The following WDR75 variants were observed in gnomAD, a reference collection of about 807,000 sequenced individuals.
WDR75 encodes WD repeat-containing protein 75.
WDR75 carries 52 observed loss-of-function variants against 106.1 expected under a neutral mutation model. The observed-to-expected ratio is 0.49, with a 90% CI of 0.39 to 0.62. The LOEUF (loss-of-function observed/expected upper bound fraction) is 0.62. Ranked by LOEUF, WDR75 falls within the 20% of genes least tolerant of loss-of-function variation. WDR75 has a pLI of 0.00. For missense variants in WDR75, 905 were observed against 970.3 expected (o/e 0.93, Z 0.89); for synonymous variants, 333 against 335.5 (o/e 0.99, Z 0.08).
intron 18 of WDR75, among the ~76,000 whole-genome samples, chr2:189,471,918 AT>A (rs1687126700): frequency 6.6e-6 from 1 of 152,198 alleles, no homozygotes; most frequent in South Asian, 2.1e-4. Context: ...GTTGAAAATC[AT>A]TCTCGCAGAA....
chr2:189,465,287 A>G, intron 12 of WDR75, 33 bp downstream of exon 12: 1 of 1,534,204 alleles, frequency 6.5e-7, no homozygotes, highest in Non-Finnish European at 8.8e-7. Flanking sequence ...TTAATTTCAA[A>G]GTATAAAATA....
At position 189,455,458 on chromosome 2, in the gene WDR75, T is replaced by A. The variant is rs948980417; in HGVS notation, c.498+14T>A. The A allele has an allele frequency of 1.2e-6, 2 of 1,602,810 alleles. No homozygotes were observed. Among genetic ancestry groups the A allele is most frequent in the Non-Finnish European group, 1.7e-6 (2 of 1,175,826 alleles). ...TTTGGAAACGAGGTAAATTTTGTTT[T>A]GTTCGTTTTCTGTTTTGTACCTAAA... On this transcript the variant is annotated intron_variant, in intron 5 of 20. Transcript: ENST00000314761.
At chr2:189,451,627 T>C (rs1422454964) in intron 3 of WDR75, among the ~76,000 whole-genome samples, 178 bp from the exon 4 acceptor site, 1 of 152,216 alleles carries the variant, frequency 6.6e-6, no homozygotes, top group Non-Finnish European at 1.5e-5. Flanking sequence ...GATCTATATG[T>C]AGGAAACTCG....
chr2:189,471,108 C>T (rs1687110910), intron 18 of WDR75, among the ~76,000 whole-genome samples: 1 of 152,028 alleles, frequency 6.6e-6, no homozygotes, highest in South Asian at 2.1e-4. Context: ...AATATTTTTA[C>T]AAGGCTCTTC....
chr2:189,451,547 G>T (rs1686622329), intron 3 of WDR75, among the ~76,000 whole-genome samples: 1 of 152,150 alleles, frequency 6.6e-6, no homozygotes, highest in Non-Finnish European at 1.5e-5. Context: ...ATTGTTTATG[G>T]TAGGAAAAAA....
At chr2:189,447,327 T>C (rs1241493588) in intron 1 of WDR75, among the ~76,000 whole-genome samples, 1 of 152,254 alleles carries the variant, frequency 6.6e-6, no homozygotes, top group East Asian at 1.9e-4. Context: ...TGCTGCTACA[T>C]GGAAGAAATC....
chr2:189,455,863 C>T (rs540052400), intron 5 of WDR75, among the ~76,000 whole-genome samples: 2 of 152,154 alleles, frequency 1.3e-5, no homozygotes, highest in South Asian at 4.2e-4. Flanking sequence ...ATAACTTTTC[C>T]CGAAAAGAAT....
intron 5 of WDR75, 162 bp downstream of exon 5, chr2:189,455,606 T>C (rs1167305862): frequency 1.1e-6 from 1 of 913,412 alleles, no homozygotes; most frequent in Non-Finnish European, 1.6e-6. Context: ...GTATTTATGG[T>C]ATAGATTTTT....
At chr2:189,454,793 T>C (rs548107857) in intron 4 of WDR75, among the ~76,000 whole-genome samples, 3 of 152,222 alleles carry the variant, frequency 2.0e-5, no homozygotes, top group Non-Finnish European at 4.4e-5. Context: ...AGATTTGTAT[T>C]TCTATATATT....
At chr2:189,460,205 A>C (rs1435449821) in intron 8 of WDR75, among the ~76,000 whole-genome samples, 1 of 152,206 alleles carries the variant, frequency 6.6e-6, no homozygotes, top group Admixed American at 6.5e-5. Flanking sequence ...GTGTGCCTAA[A>C]AAATGAGAAG....
chr2:189,452,164 G>T, intron 4 of WDR75: 2 of 326,260 alleles, frequency 6.1e-6, no homozygotes, highest in South Asian at 4.2e-5. Flanking sequence ...ATAGAATTTT[G>T]TCTTTCTACT....
At chr2:189,468,675 G>A in intron 15 of WDR75, 106 bp downstream of exon 15, 1 of 1,125,042 alleles carries the variant, frequency 8.9e-7, no homozygotes, top group East Asian at 2.4e-5. Context: ...TCTGTACTTG[G>A]AATAGTCAGT....
At chr2:189,463,646 T>A in intron 9 of WDR75, 48 bp from the exon 10 acceptor site, 1 of 1,599,530 alleles carries the variant, frequency 6.3e-7, no homozygotes, top group Non-Finnish European at 8.6e-7. Context: ...TTGGACAAGC[T>A]TTCTCTAACC....
At chr2:189,461,756 C>G (rs556691825) in intron 8 of WDR75, among the ~76,000 whole-genome samples, 63 of 152,198 alleles carry the variant, frequency 4.1e-4, no homozygotes, top group African/African-American at 1.5e-3. Context: ...TTTCAGTGCA[C>G]TAGACATCCA....
chr2:189,459,039 T>C lies in WDR75; in HGVS notation c.689+167T>C, dbSNP rs78970225. Among the ~76,000 whole-genome samples the C allele has an allele frequency of 1.9e-3, 296 of 152,360 alleles. 1 individual carries two copies. The highest frequency in any genetic ancestry group is 6.6e-3 in the African/African-American group (273 of 41,578). On this transcript the variant is annotated intron_variant, in intron 7 of 20. Transcript: ENST00000314761. Reference sequence around the variant, plus strand: ...AATTTCTAGCCTTGGACTTATAAAGTGAGTGAAACATTTTTTGTTGCCTGT... The same window carrying C: ...AATTTCTAGCCTTGGACTTATAAAGCGAGTGAAACATTTTTTGTTGCCTGT...
intron 2 of WDR75, chr2:189,449,171 TCTA>T: frequency 9.0e-7 from 1 of 1,114,570 alleles, no homozygotes; most frequent in Admixed American, 2.5e-5. Flanking sequence ...TTTCGGCAAA[TCTA>T]CTAAAATTTT....
At chr2:189,461,035 ATG>A (rs977456974) in intron 8 of WDR75, among the ~76,000 whole-genome samples, 2 of 152,132 alleles carry the variant, frequency 1.3e-5, no homozygotes, top group Non-Finnish European at 2.9e-5. Context: ...TGTATCATAT[ATG>A]TGTATATATC....
intron 19 of WDR75, among the ~76,000 whole-genome samples, 185 bp downstream of exon 19, chr2:189,474,517 A>G (rs1336682262): frequency 6.6e-6 from 1 of 152,206 alleles, no homozygotes; most frequent in Admixed American, 6.5e-5. Context: ...GACCTGGTGT[A>G]GGGATAGGGG....
Position 189,465,176 on chromosome 2 carries a change from C to T in WDR75, c.1211C>T (p.Thr404Ile). 6.2e-7 allele frequency: 1 copy of T among 1,613,070 alleles called. No individual in the cohort carries two copies. The highest frequency in any genetic ancestry group is 8.5e-7 in the Non-Finnish European group (1 of 1,179,356). Residue 404 changes from threonine (T) to isoleucine (I), a missense_variant, in exon 12 of 21, where the codon ACA becomes ATA. By Grantham distance (89) the Thr-to-Ile change is moderately conservative. Transcript: ENST00000314761. ...GGCTGCTTTGGTAACTGGCTTGCAA[C>T]AGTGGAACAGCGGCAAGAAAAGGAA... ...AFGCFGNWLA[T>I]VEQRQEKETE...
Sources: allele counts gnomAD v4.1 joint callset (sites outside exome capture counted in the v4.1 genomes callset), GRCh38; gene constraint gnomAD v4.1.1; transcripts MANE v1.5; gene names NCBI Gene and HGNC (gene_info 2026-07-23, HGNC 2026-07-21).